The following ZNF827 variants were observed in gnomAD, a reference collection of about 807,000 sequenced individuals.
ZNF827 encodes the protein zinc finger protein 827.
A neutral mutation model predicts 102.4 loss-of-function variants in ZNF827; 13 were observed. The observed-to-expected ratio is 0.13, with a 90% confidence interval of 0.08 to 0.20. The LOEUF is 0.20. ZNF827 is among the 10% of genes least tolerant of loss of function. The probability of loss-of-function intolerance (pLI) is 1.00; values close to 1 mark genes in which losing one functional copy is unlikely to be tolerated. For synonymous variants in ZNF827, 523 were observed against 536.2 expected, an observed-to-expected ratio of 0.98 and a Z score of 0.34; for missense variants, 1,103 against 1,344.4, an observed-to-expected ratio of 0.82 and a Z score of 2.81.
At chr4:145,891,231 TA>T (rs1750578010) in intron 3 of ZNF827, among the ~76,000 whole-genome samples, 2 of 152,236 alleles carry the variant, frequency 1.3e-5, no homozygotes, top group African/African-American at 4.8e-5. Flanking sequence ...ATTTGGTTAA[TA>T]TTCTCTCCTT....
chr4:145,846,069 A>C, intron 6 of ZNF827, 56 bp from the exon 7 acceptor site: 1 of 1,566,152 alleles, frequency 6.4e-7, no homozygotes, highest in Non-Finnish European at 8.8e-7. Context: ...CTCAACTTGC[A>C]TCTTTTAGCC....
At chr4:145,908,830 G>A (rs1752070288) in intron 1 of ZNF827, among the ~76,000 whole-genome samples, 1 of 152,122 alleles carries the variant, frequency 6.6e-6, no homozygotes, top group Non-Finnish European at 1.5e-5. Context: ...CATAATGACT[G>A]GTGCCACCAT....
chr4:145,813,513 G>A (rs1045919117), intron 8 of ZNF827, among the ~76,000 whole-genome samples: 2 of 112,688 alleles, frequency 1.8e-5, no homozygotes, highest in African/African-American at 6.5e-5. Flanking sequence ...GTCCGGGAAT[G>A]TATCCCCTGA....
At chr4:145,825,052 G>A (rs1426357570) in intron 7 of ZNF827, among the ~76,000 whole-genome samples, 1 of 152,222 alleles carries the variant, frequency 6.6e-6, no homozygotes, top group East Asian at 1.9e-4. Flanking sequence ...GGCAGGAATT[G>A]GGGAGAAGCG....
Position 145,763,227 on chromosome 4 carries a change from A to T in ZNF827, c.3231-105T>A. On this transcript the variant is annotated intron_variant, in intron 13 of 14. Transcript: ENST00000508784. The surrounding 1 kb of genome is among the most constrained non-coding windows in gnomAD (Gnocchi z 4.6). ...ACAGAAAAGCAATTTAGACATCAGC[A>T]GTCTGTTTCATTTTAAGGACATTTC... 1.8e-6 allele frequency: 2 copies of T among 1,138,236 alleles called. No homozygotes were observed. The highest frequency in any genetic ancestry group is 3.0e-5 in the South Asian group (2 of 67,686). The allele number at this position is 1,138,236 out of a possible 1,614,324, so 70.5% of individuals were successfully genotyped here. A position where few individuals can be genotyped will look rare whatever the true frequency, so the allele number is the denominator to read the frequency against.
intron 7 of ZNF827, among the ~76,000 whole-genome samples, chr4:145,837,402 C>T: frequency 6.6e-6 from 1 of 152,146 alleles, no homozygotes; most frequent in Middle Eastern, 3.2e-3. Flanking sequence ...ATTTAAGCTC[C>T]TGTATAGACG....
At chr4:145,846,571 C>A (rs1745970680) in intron 6 of ZNF827, among the ~76,000 whole-genome samples, 1 of 146,032 alleles carries the variant, frequency 6.8e-6, no homozygotes, top group Non-Finnish European at 1.5e-5. Context: ...AATCCCAGCA[C>A]TTTGGGAGGC....
intron 3 of ZNF827, among the ~76,000 whole-genome samples, chr4:145,890,374 C>T (rs774576089): frequency 1.2e-4 from 19 of 152,158 alleles, no homozygotes; most frequent in Admixed American, 3.3e-4. Context: ...TAAGACCCCA[C>T]GACCCACAAA....
chr4:145,854,983 G>A (rs553446942), intron 5 of ZNF827, among the ~76,000 whole-genome samples: 1 of 152,356 alleles, frequency 6.6e-6, no homozygotes, highest in East Asian at 1.9e-4. Context: ...AGAGCACAGG[G>A]CATGGCGCGT....
chr4:145,827,108 C>T (rs533585488), intron 7 of ZNF827, among the ~76,000 whole-genome samples: 13 of 152,312 alleles, frequency 8.5e-5, no homozygotes, highest in African/African-American at 3.1e-4. Context: ...TGCATTATCC[C>T]TATTTTACAG....
At chr4:145,880,837 G>C (rs1248243876) in intron 4 of ZNF827, among the ~76,000 whole-genome samples, 1 of 152,246 alleles carries the variant, frequency 6.6e-6, no homozygotes, top group Non-Finnish European at 1.5e-5. Flanking sequence ...CAGGCGTGGG[G>C]AGTGGGAGAG....
chr4:145,849,237 GT>G (rs71973224), intron 6 of ZNF827, 84 bp downstream of exon 6: 447,627 of 1,332,498 alleles, frequency 0.34, 59,118 homozygotes, highest in Non-Finnish European at 0.35. Flanking sequence ...TATAATTCAG[GT>G]TTTTTTTTTT....
At chr4:145,828,043 G>A (rs775776404) in intron 7 of ZNF827, among the ~76,000 whole-genome samples, 4 of 152,300 alleles carry the variant, frequency 2.6e-5, no homozygotes, top group Admixed American at 2.6e-4. Context: ...TGTTGGCAGC[G>A]GGCAGCGGAG....
In ZNF827 at chr4:145,762,698, G is replaced by T. The variant is rs551482525; in HGVS notation, c.*17+392C>A. The stretch of plus-strand genomic sequence containing the variant: ...GGCTACGCTACCACCAACCCTCCTG[G>T]CTGTCCAGAGGGGCCACGAGGAGTG... On this transcript the variant is annotated intron_variant, in intron 14 of 14. Transcript: ENST00000508784. This position sits in a 1 kb window ranked among gnomAD's most constrained non-coding sequence, Gnocchi z 4.9. Among the ~76,000 whole-genome samples the T allele has an allele frequency of 1.3e-5, 2 of 152,298 alleles. No homozygotes were observed. The highest frequency in any genetic ancestry group is 4.8e-5 in the African/African-American group (2 of 41,570).
At chr4:145,907,378 G>A (rs1426422735) in intron 1 of ZNF827, 2 of 360,238 alleles carry the variant, frequency 5.6e-6, no homozygotes, top group South Asian at 4.3e-5. Context: ...GTGAGAAAAA[G>A]TTCTCTCATT....
chr4:145,902,096 G>A lies in ZNF827; in HGVS notation c.1093+70C>T. The A allele has an allele frequency of 6.6e-7, 1 of 1,504,362 alleles. No individual in the cohort carries two copies. Among genetic ancestry groups the A allele is most frequent in the Non-Finnish European group, 8.9e-7 (1 of 1,127,896 alleles). The allele number at this position is 1,504,362 out of a possible 1,614,324, so 93.2% of individuals were successfully genotyped here. On this transcript the variant is annotated intron_variant, in intron 2 of 14. Coordinates refer to ENST00000508784, the MANE Select transcript of ZNF827 (RefSeq NM_001306215.2). This position sits in a 1 kb window ranked among gnomAD's most constrained non-coding sequence, Gnocchi z 4.3. ...CAGATGGGGAACCCAACTGAAAAAA[G>A]CAATGAATAAGACATCGCAGTTTAT...
chr4:145,781,810 A>C (rs541628767), intron 8 of ZNF827, among the ~76,000 whole-genome samples: 108 of 152,358 alleles, frequency 7.1e-4, no homozygotes, highest in Middle Eastern at 3.4e-3. Flanking sequence ...GGTAATAATT[A>C]TAAGGAGAGG....
intron 7 of ZNF827, among the ~76,000 whole-genome samples, chr4:145,840,117 C>A (rs960172622): frequency 6.6e-6 from 1 of 152,210 alleles, no homozygotes; most frequent in Non-Finnish European, 1.5e-5. Context: ...CAACAATGCA[C>A]AAAGTAATTT....
At chr4:145,826,803 A>G (rs1376110717) in intron 7 of ZNF827, among the ~76,000 whole-genome samples, 3 of 151,448 alleles carry the variant, frequency 2.0e-5, no homozygotes, top group African/African-American at 7.3e-5. Context: ...CTGGAGTGCA[A>G]TGGCGCAATC....
Sources: allele counts gnomAD v4.1 joint callset (sites outside exome capture counted in the v4.1 genomes callset), GRCh38; gene constraint gnomAD v4.1.1; non-coding constraint Gnocchi (gnomAD v3.1); transcripts MANE v1.5; gene names NCBI Gene and HGNC (gene_info 2026-07-23, HGNC 2026-07-21).